The following ATG7 variants were observed in gnomAD, a reference collection of about 807,000 sequenced individuals.
The protein encoded by ATG7 is autophagy related 7, also known as ubiquitin-like modifier-activating enzyme ATG7.
A neutral mutation model predicts 82.4 loss-of-function variants in ATG7; 70 were observed. That is an observed-to-expected ratio of 0.85 (90% CI 0.70 to 1.04). The LOEUF is 1.04. Ranked by LOEUF, ATG7 falls within the 50% of genes least tolerant of loss-of-function variation. ATG7 has a pLI of 0.00. For synonymous variants in ATG7, 287 were observed against 313.0 expected (o/e 0.92, Z 0.88); for missense variants, 792 against 864.3 (o/e 0.92, Z 1.05).
chr3:11,301,790 G>GGA (rs1946826634), intron 5 of ATG7, among the ~76,000 whole-genome samples: 1 of 152,098 alleles, frequency 6.6e-6, no homozygotes, highest in African/African-American at 2.4e-5. Flanking sequence ...TGTGTAATCT[G>GGA]GAGAGCCTCA....
chr3:11,272,748 A>T (rs1007395790), intron 1 of ATG7: 1 of 152,106 alleles, frequency 6.6e-6, no homozygotes, highest in African/African-American at 2.4e-5. Context: ...GGAACACGGG[A>T]GATGGGACAT....
At chr3:11,395,939 CAAAAA>C (rs869125190) in intron 19 of ATG7, among the ~76,000 whole-genome samples, 4 of 25,520 alleles carry the variant, frequency 1.6e-4, no homozygotes, top group East Asian at 1.5e-3. Flanking sequence ...GACTCTGTCT[CAAAAA>C]AAAAAAAAAA....
At chr3:11,484,872 CTCA>C (rs1271985838) in intron 20 of ATG7, among the ~76,000 whole-genome samples, 2 of 152,046 alleles carry the variant, frequency 1.3e-5, no homozygotes, top group Non-Finnish European at 2.9e-5. Context: ...AGGACATGAA[CTCA>C]TCATTTTTTA....
chr3:11,545,302 T>G (rs1293110206), intron 20 of ATG7, among the ~76,000 whole-genome samples: 1 of 152,106 alleles, frequency 6.6e-6, no homozygotes, highest in African/African-American at 2.4e-5. Context: ...TTTGAGAAAT[T>G]CAGTCTGATG....
At position 11,519,937 on chromosome 3, in the gene ATG7, C is replaced by G. The variant is rs576079555; in HGVS notation, c.2080-34874C>G. 2.0e-5 allele frequency among the ~76,000 whole-genome samples: 3 copies of G among 152,202 alleles called. No homozygotes were observed. The South Asian group carries it at 6.2e-4, about 32-fold the overall frequency. On this transcript the variant is annotated intron_variant, in intron 20 of 20. Transcript: ENST00000693202. The stretch of plus-strand genomic sequence containing the variant: ...CTTCACTTCCTCCTTCCCCTCCCCA[C>G]TTGCAGATAATGACAGATTTTTTGG...
intron 18 of ATG7, among the ~76,000 whole-genome samples, chr3:11,365,245 T>C (rs1417702530): frequency 1.3e-5 from 2 of 152,190 alleles, no homozygotes; most frequent in Non-Finnish European, 2.9e-5. Flanking sequence ...TCTTTACTGT[T>C]GCTTGTTATT....
At chr3:11,396,452 G>A (rs1264180865) in intron 19 of ATG7, among the ~76,000 whole-genome samples, 1 of 152,032 alleles carries the variant, frequency 6.6e-6, no homozygotes, top group Non-Finnish European at 1.5e-5. Flanking sequence ...AAAAAAAAAT[G>A]TGGGTAACTC....
At chr3:11,320,080 A>G (rs1277792987) in intron 9 of ATG7, among the ~76,000 whole-genome samples, 1 of 152,160 alleles carries the variant, frequency 6.6e-6, no homozygotes, top group Non-Finnish European at 1.5e-5. Context: ...TCCAGCCCCA[A>G]GTCATTCCGT....
At chr3:11,365,295 A>C (rs761337841) in intron 18 of ATG7, among the ~76,000 whole-genome samples, 4 of 152,214 alleles carry the variant, frequency 2.6e-5, no homozygotes, top group Non-Finnish European at 5.9e-5. Context: ...CTTTATAGGC[A>C]GGCATGAGAA....
At chr3:11,304,457 GACCCCCAACA>G (rs1329916638) in intron 5 of ATG7, 8 of 3,302 alleles carry the variant, frequency 2.4e-3, no homozygotes, top group African/African-American at 0.012. Flanking sequence ...AAAGAAGCAT[GACCCCCAACA>G]TGACCCCCAA....
chr3:11,414,549 T>C (rs1308926451), intron 19 of ATG7, among the ~76,000 whole-genome samples: 1 of 152,222 alleles, frequency 6.6e-6, no homozygotes, highest in Non-Finnish European at 1.5e-5. Flanking sequence ...CTTTTTCTTG[T>C]CTTATTTCAT....
intron 2 of ATG7, among the ~76,000 whole-genome samples, chr3:11,281,635 G>A (rs921801075): frequency 3.0e-4 from 46 of 151,914 alleles, no homozygotes; most frequent in African/African-American, 8.5e-4. Context: ...TTACCTGGGC[G>A]TAGTGGCGGG....
intron 1 of ATG7, among the ~76,000 whole-genome samples, chr3:11,276,637 T>C (rs1160558327): frequency 1.3e-5 from 2 of 152,150 alleles, no homozygotes; most frequent in Admixed American, 6.5e-5. Flanking sequence ...TTCCTTCTTA[T>C]CTTTCTTGGC....
At chr3:11,510,737 T>C (rs1339312722) in intron 20 of ATG7, among the ~76,000 whole-genome samples, 1 of 152,210 alleles carries the variant, frequency 6.6e-6, no homozygotes, top group Admixed American at 6.5e-5. Context: ...CTAGTGTTTT[T>C]GGCCATACTG....
intron 3 of ATG7, among the ~76,000 whole-genome samples, chr3:11,297,963 G>T (rs1007614697): frequency 3.9e-5 from 6 of 152,136 alleles, no homozygotes; most frequent in Admixed American, 2.6e-4. Flanking sequence ...CATTAAGGCC[G>T]CAAAGGTTAC....
chr3:11,497,040 G>A (rs1020690872), intron 20 of ATG7, among the ~76,000 whole-genome samples: 8 of 151,300 alleles, frequency 5.3e-5, no homozygotes, highest in African/African-American at 1.2e-4. Context: ...TAGTAGAGAC[G>A]GGGTTTCACC....
intron 11 of ATG7, among the ~76,000 whole-genome samples, chr3:11,337,488 C>CTA (rs542151066): frequency 0.036 from 5,141 of 141,126 alleles, 206 homozygotes; most frequent in Admixed American, 0.11. Context: ...CTCTCTCTCT[C>CTA]TATATATATA....
intron 19 of ATG7, among the ~76,000 whole-genome samples, chr3:11,404,585 G>T (rs1475060392): frequency 6.6e-6 from 1 of 151,906 alleles, no homozygotes; most frequent in Non-Finnish European, 1.5e-5. Context: ...GTGGTTTTGG[G>T]CATGTACCTA....
At chr3:11,284,844 C>T (rs1030893578) in intron 3 of ATG7, among the ~76,000 whole-genome samples, 4 of 132,312 alleles carry the variant, frequency 3.0e-5, no homozygotes, top group African/African-American at 8.6e-5. Context: ...GCCACTGTGC[C>T]TGGCCTTTTT....
Sources: gnomAD v4.1 joint callset for allele counts (sites outside exome capture counted in the v4.1 genomes callset) on GRCh38, gnomAD v4.1.1 for gene constraint, MANE v1.5 for transcripts, NCBI Gene and HGNC (gene_info 2026-07-23, HGNC 2026-07-21) for gene names.